Variants in ADAMTS19 observed in about 807,000 individuals in gnomAD.
ADAMTS19 encodes the protein ADAM metallopeptidase with thrombospondin type 1 motif 19.
In ADAMTS19, 93 loss-of-function variants were observed where a neutral mutation model predicts 153.3. The observed-to-expected ratio is 0.61, with a 90% confidence interval of 0.51 to 0.72. ADAMTS19 has a LOEUF of 0.72. Among genes scored for constraint, ADAMTS19 ranks in the 30% least tolerant of loss-of-function variants. The pLI, the probability that ADAMTS19 is intolerant of heterozygous loss-of-function variation, is 0.00. For missense variants in ADAMTS19, 1,482 were observed against 1,552.1 expected (o/e 0.95, Z 0.76); for synonymous variants, 600 against 556.6 (o/e 1.08, Z -1.10).
At chr5:129,490,442 G>T (rs1750727063) in intron 2 of ADAMTS19, among the ~76,000 whole-genome samples, 1 of 152,128 alleles carries the variant, frequency 6.6e-6, no homozygotes. Context: ...AAAAGAATAT[G>T]CATTGGTAGC....
intron 2 of ADAMTS19, among the ~76,000 whole-genome samples, chr5:129,492,543 A>G (rs1581003961): frequency 1.4e-5 from 2 of 140,658 alleles, no homozygotes; most frequent in South Asian, 4.4e-4. Context: ...ATGTGTATAT[A>G]TGTATGTATG....
chr5:129,508,075 T>G (rs1751323040), intron 2 of ADAMTS19, among the ~76,000 whole-genome samples: 1 of 151,988 alleles, frequency 6.6e-6, no homozygotes, highest in African/African-American at 2.4e-5. Context: ...ATATTATTAT[T>G]GTGCCACTTA....
At chr5:129,686,164 A>G (rs1224150986) in intron 18 of ADAMTS19, among the ~76,000 whole-genome samples, 3 of 152,180 alleles carry the variant, frequency 2.0e-5, no homozygotes, top group Non-Finnish European at 4.4e-5. Context: ...CCTTCTAGCA[A>G]TGTACAGCAT....
At position 129,461,918 on chromosome 5, in the gene ADAMTS19, G is replaced by T. The variant is rs1409026962; in HGVS notation, c.747+161G>T. Among the ~76,000 whole-genome samples the T allele has an allele frequency of 1.3e-5, 2 of 152,198 alleles. No individual in the cohort carries two copies. The highest frequency in any genetic ancestry group is 2.9e-5 in the Non-Finnish European group (2 of 68,040). On this transcript the variant is annotated intron_variant, in intron 2 of 22. Transcript: ENST00000274487. This position sits in a 1 kb window ranked among gnomAD's most constrained non-coding sequence, Gnocchi z 4.6. ...GTGTCTACATCGTTTGCCTCCCATG[G>T]AACATCTCCAGGGCAGTTGTGTAAA...
chr5:129,700,240 CT>C (rs1755769621), intron 19 of ADAMTS19, among the ~76,000 whole-genome samples: 1 of 152,126 alleles, frequency 6.6e-6, no homozygotes, highest in South Asian at 2.1e-4. Flanking sequence ...TATGTATTAG[CT>C]GCTGAATCAG....
chr5:129,738,420 C>A lies in ADAMTS19; in HGVS notation c.*1202C>A, dbSNP rs1757765031. 2 of 151,994 alleles carry A rather than the reference C, an allele frequency of 1.3e-5. No individual in the cohort carries two copies. Among genetic ancestry groups the A allele is most frequent in the African/African-American group, 4.8e-5 (2 of 41,406 alleles). The allele number at this position is 151,994 out of a possible 1,614,324, so 9.4% of individuals were successfully genotyped here. A position where few individuals can be genotyped will look rare whatever the true frequency, so the allele number is the denominator to read the frequency against. On this transcript the variant is annotated 3_prime_UTR_variant, in exon 23 of 23. Transcript: ENST00000274487. Reference sequence around the variant, plus strand: ...GTCTACTTTTGTTCTGGAGTATCTTCTAGAGGATGTTTATAGAGTGAACTG... The same window carrying A: ...GTCTACTTTTGTTCTGGAGTATCTTATAGAGGATGTTTATAGAGTGAACTG...
intron 11 of ADAMTS19, among the ~76,000 whole-genome samples, chr5:129,647,301 G>A (rs534323319): frequency 2.0e-5 from 3 of 150,988 alleles, no homozygotes; most frequent in South Asian, 2.1e-4. Flanking sequence ...AGTACCCTGA[G>A]TCACTGACAT....
intron 6 of ADAMTS19, among the ~76,000 whole-genome samples, chr5:129,543,778 T>C (rs1336950263): frequency 6.6e-6 from 1 of 152,160 alleles, no homozygotes. Context: ...AGAAGTGTTC[T>C]CAGCTAAGAG....
At chr5:129,615,750 GTT>G (rs1269709625) in intron 8 of ADAMTS19, among the ~76,000 whole-genome samples, 2 of 151,934 alleles carry the variant, frequency 1.3e-5, no homozygotes, top group African/African-American at 4.8e-5. Context: ...ACCAATTTTG[GTT>G]GATAGCAATA....
intron 2 of ADAMTS19, among the ~76,000 whole-genome samples, chr5:129,502,998 G>A (rs776409951): frequency 6.6e-6 from 1 of 152,196 alleles, no homozygotes; most frequent in Non-Finnish European, 1.5e-5. Flanking sequence ...TTGAAGAATT[G>A]ATAGCTCTTC....
At chr5:129,495,301 C>T (rs1220465374) in intron 2 of ADAMTS19, among the ~76,000 whole-genome samples, 10 of 152,016 alleles carry the variant, frequency 6.6e-5, no homozygotes, top group Non-Finnish European at 1.5e-4. Context: ...AGACATTTTT[C>T]ATTCAACATT....
chr5:129,550,078 A>G (rs1229132512), intron 6 of ADAMTS19, among the ~76,000 whole-genome samples: 2 of 105,454 alleles, frequency 1.9e-5, no homozygotes, highest in African/African-American at 7.2e-5. Flanking sequence ...AGATATACAT[A>G]TACATGTATC....
At chr5:129,511,693 G>A (rs115629302) in intron 3 of ADAMTS19, among the ~76,000 whole-genome samples, 87 of 151,328 alleles carry the variant, frequency 5.7e-4, no homozygotes, top group African/African-American at 2.0e-3. Context: ...AAGACTAGAG[G>A]GAGAAAAGGG....
intron 2 of ADAMTS19, among the ~76,000 whole-genome samples, chr5:129,478,613 C>T (rs1750305319): frequency 1.3e-5 from 2 of 152,274 alleles, no homozygotes; most frequent in Middle Eastern, 3.4e-3. Flanking sequence ...GCGGTGTGAT[C>T]ATAGCTCACT....
rs201361704 is a variant in ADAMTS19 at position 129,665,568 on chromosome 5, A to G, written c.2495A>G (p.His832Arg). ...AAAGTTGTGGAGGAAAAGCCGGCACATAGCTATTTAGGTAACCTGTGTTAC... is the reference window on the plus strand; with the variant it reads ...AAAGTTGTGGAGGAAAAGCCGGCACGTAGCTATTTAGGTAACCTGTGTTAC... ...RIKVVEEKPA[H>R]SYLALRDAGK... is the part of the protein sequence containing the mutation. The change falls in exon 16 of 23, where the codon CAT (histidine) becomes CGT (arginine). Residue 832 changes from histidine (H) to arginine (R), a missense_variant. His to Arg is a conservative substitution (Grantham distance 29). Coordinates refer to ENST00000274487, the MANE Select transcript of ADAMTS19 (RefSeq NM_133638.6). 3.5e-5 allele frequency: 57 copies of G among 1,609,696 alleles called. 1 individual carries two copies. The East Asian group carries it at 1.2e-3, about 35-fold the overall frequency.
At chr5:129,630,362 A>C (rs1752232775) in intron 10 of ADAMTS19, among the ~76,000 whole-genome samples, 1 of 152,086 alleles carries the variant, frequency 6.6e-6, no homozygotes, top group Admixed American at 6.6e-5. Context: ...ATGATTTAAG[A>C]CTTACAAAGC....
intron 6 of ADAMTS19, among the ~76,000 whole-genome samples, chr5:129,533,170 T>C (rs1265882154): frequency 6.6e-6 from 1 of 151,978 alleles, no homozygotes; most frequent in Non-Finnish European, 1.5e-5. Flanking sequence ...TCCACTTATA[T>C]AGAGTTTGAA....
At chr5:129,529,152 T>C (rs1162227621) in intron 6 of ADAMTS19, among the ~76,000 whole-genome samples, 1 of 152,078 alleles carries the variant, frequency 6.6e-6, no homozygotes, top group Non-Finnish European at 1.5e-5. Flanking sequence ...AACAAATATT[T>C]TTAATATAGC....
chr5:129,537,382 T>A (rs2126790140), intron 6 of ADAMTS19, among the ~76,000 whole-genome samples: 1 of 152,252 alleles, frequency 6.6e-6, no homozygotes, highest in South Asian at 2.1e-4. Context: ...TCCTCAGGGA[T>A]CTAGAACTAC....
Sources: gnomAD v4.1 joint callset for allele counts (sites outside exome capture counted in the v4.1 genomes callset) on GRCh38, gnomAD v4.1.1 for gene constraint, Gnocchi (gnomAD v3.1) non-coding constraint, MANE v1.5 for transcripts, NCBI Gene and HGNC (gene_info 2026-07-23, HGNC 2026-07-21) for gene names.